SANBR: variants seen among roughly 807,000 people sequenced by gnomAD.
The protein encoded by SANBR is SANT and BTB domain regulator of CSR, also known as SANT and BTB domain regulator of class switch recombination.
Under a neutral mutation model 101.8 loss-of-function variants are expected in SANBR, and 77 were observed. That is an observed-to-expected ratio of 0.76 (90% CI 0.63 to 0.91). The LOEUF is 0.91. Ranked by LOEUF, SANBR falls within the 40% of genes least tolerant of loss-of-function variation. The pLI, the probability that SANBR is intolerant of heterozygous loss-of-function variation, is 0.00. For missense variants in SANBR, 875 were observed against 853.0 expected, an observed-to-expected ratio of 1.03 and a Z score of -0.32; for synonymous variants, 279 against 274.7, an observed-to-expected ratio of 1.02 and a Z score of -0.15.
chr2:61,105,266 T>A (rs1044679787), intron 13 of SANBR, among the ~76,000 whole-genome samples: 1 of 151,632 alleles, frequency 6.6e-6, no homozygotes, highest in Non-Finnish European at 1.5e-5. Flanking sequence ...TTTGAGAGGC[T>A]GAGGCAGGAG....
intron 13 of SANBR, among the ~76,000 whole-genome samples, chr2:61,106,359 C>G (rs1308504368): frequency 1.4e-5 from 2 of 140,238 alleles, no homozygotes; most frequent in Non-Finnish European, 3.0e-5. Flanking sequence ...CCATTGCCCT[C>G]CAGCCTGGGT....
chr2:61,071,478 A>G, intron 3 of SANBR, 128 bp from the exon 4 acceptor site: 1 of 454,670 alleles, frequency 2.2e-6, no homozygotes, highest in Non-Finnish European at 3.7e-6. Context: ...TGAACCCGGG[A>G]GGCGGAGGTT....
Position 61,103,915 on chromosome 2 carries a change from G to A in SANBR, c.1428G>A (p.Pro476=), listed in dbSNP as rs754421415. The A allele has an allele frequency of 1.5e-5, 24 of 1,613,988 alleles. No homozygotes were observed. The highest frequency in any genetic ancestry group is 4.4e-5 in the South Asian group (4 of 91,088). The change falls in exon 13 of 22, where the codon CCG becomes CCA. Residue 476 remains proline (P), a synonymous_variant. Transcript: ENST00000402291. ...ATCAAGGTGAAGGCGGAGATTTGCC[G>A]TCCTGTCCCACTGCTAGAATGTTGG... ...LRDQGEGGDL[P]SCPTARMLDD... is the part of the protein sequence containing the mutation.
chr2:61,118,437 C>T (rs1196714574), intron 20 of SANBR, among the ~76,000 whole-genome samples: 1 of 151,736 alleles, frequency 6.6e-6, no homozygotes, highest in Non-Finnish European at 1.5e-5. Context: ...GATGGGGTTT[C>T]ACCATGTTGG....
rs200416957 is a variant in SANBR, at chr2:61,088,236, C to G, written c.968C>G (p.Thr323Arg). Residue 323 changes from threonine to arginine, a missense_variant, in exon 9 of 22, where the codon ACA becomes AGA. By Grantham distance (71) the Thr-to-Arg change is moderately conservative. Transcript: ENST00000402291. Reference protein sequence around the residue: ...LNPDSRSNAATLYRCCLCKKL... With the variant: ...LNPDSRSNAARLYRCCLCKKL... ...CCAGATTCTCGGAGTAATGCAGCAA[C>G]ATTGTATAGGTATGCTAACATGTTT... 6.2e-7 allele frequency: 1 copy of G among 1,607,658 alleles called. No individual in the cohort carries two copies. Among genetic ancestry groups the G allele is most frequent in the Non-Finnish European group, 8.5e-7 (1 of 1,176,576 alleles).
intron 13 of SANBR, among the ~76,000 whole-genome samples, chr2:61,104,379 G>A (rs1683444975): frequency 6.6e-6 from 1 of 151,986 alleles, no homozygotes; most frequent in African/African-American, 2.4e-5. Context: ...CTACTTGGGA[G>A]GCTGAGGCAG....
chr2:61,108,251 T>C, intron 14 of SANBR, 66 bp from the exon 15 acceptor site: 1 of 980,600 alleles, frequency 1.0e-6, no homozygotes, highest in Non-Finnish European at 1.6e-6. Flanking sequence ...ACAGTATCTA[T>C]ATCAAAATAA....
At chr2:61,073,195 A>G (rs530160444) in intron 4 of SANBR, among the ~76,000 whole-genome samples, 69 of 152,308 alleles carry the variant, frequency 4.5e-4, no homozygotes, top group African/African-American at 1.4e-3. Context: ...GCATTTGAAC[A>G]TTTGATCCCT....
At chr2:61,118,621 G>C (rs1374145988) in intron 20 of SANBR, among the ~76,000 whole-genome samples, 1 of 140,962 alleles carries the variant, frequency 7.1e-6, no homozygotes, top group Non-Finnish European at 1.5e-5. Flanking sequence ...ACTTGCAGTG[G>C]TGCCATCTCG....
intron 15 of SANBR, 129 bp from the exon 16 acceptor site, chr2:61,109,068 C>A: frequency 2.3e-6 from 1 of 439,890 alleles, no homozygotes; most frequent in Non-Finnish European, 4.0e-6. Context: ...GGATATTGTG[C>A]TAGCCAGAGG....
At chr2:61,106,734 T>A (rs1472407991) in intron 14 of SANBR, 72 bp downstream of exon 14, 1 of 947,752 alleles carries the variant, frequency 1.1e-6, no homozygotes, top group African/African-American at 1.7e-5. Context: ...GACAGGAACC[T>A]GATCAGTTTA....
At chr2:61,121,651 C>A (rs778533645) in intron 21 of SANBR, 7 of 170,008 alleles carry the variant, frequency 4.1e-5, no homozygotes, top group Non-Finnish European at 7.6e-5. Context: ...TTTTATTTCT[C>A]TTAATAAAAT....
At chr2:61,087,313 C>T (rs973629919) in intron 8 of SANBR, among the ~76,000 whole-genome samples, 1 of 151,934 alleles carries the variant, frequency 6.6e-6, no homozygotes, top group South Asian at 2.1e-4. Flanking sequence ...CTCAGCACTT[C>T]GGGAGGCCAA....
intron 11 of SANBR, 127 bp from the exon 12 acceptor site, chr2:61,097,573 T>C: frequency 1.5e-6 from 1 of 661,460 alleles, no homozygotes; most frequent in Non-Finnish European, 2.5e-6. Flanking sequence ...ACTTTGTGTC[T>C]GTATAGATTG....
rs562983683 is a variant in SANBR, at chr2:61,120,029, G to C, written c.2029-1156G>C. ...CAACTGGAACTCTCATATATAGCTAGTAGAAATGCAAAAAGGAATGGTCAC... is the reference window on the plus strand; with the variant it reads ...CAACTGGAACTCTCATATATAGCTACTAGAAATGCAAAAAGGAATGGTCAC... On this transcript the variant is annotated intron_variant, in intron 20 of 21. Coordinates refer to ENST00000402291, the MANE Select transcript of SANBR (RefSeq NM_001129993.3). 5.3e-5 allele frequency among the ~76,000 whole-genome samples: 8 copies of C among 152,284 alleles called. 1 individual carries two copies. Among genetic ancestry groups the C allele is most frequent in the South Asian group, 4.1e-4 (2 of 4,826 alleles).
chr2:61,135,790 A>G (rs1452663600), intron 21 of SANBR, among the ~76,000 whole-genome samples: 1 of 152,230 alleles, frequency 6.6e-6, no homozygotes, highest in Non-Finnish European at 1.5e-5. Context: ...TATAGCTAAA[A>G]TACGTAGGGA....
At chr2:61,115,612 A>G (rs1178476644) in intron 16 of SANBR, among the ~76,000 whole-genome samples, 1 of 152,130 alleles carries the variant, frequency 6.6e-6, no homozygotes, top group African/African-American at 2.4e-5. Flanking sequence ...ACTTATAGCT[A>G]GAGATTTCAA....
intron 4 of SANBR, among the ~76,000 whole-genome samples, chr2:61,072,885 T>G (rs1681558355): frequency 7.1e-6 from 1 of 141,514 alleles, no homozygotes; most frequent in Non-Finnish European, 1.5e-5. Context: ...GAGATGGTGG[T>G]TGCGCTGTGT....
intron 14 of SANBR, 101 bp downstream of exon 14, chr2:61,106,763 T>A: frequency 1.5e-6 from 1 of 669,406 alleles, no homozygotes; most frequent in Non-Finnish European, 2.5e-6. Flanking sequence ...TTGAACTGAC[T>A]ACCTAATCAT....
Sources: gnomAD v4.1 joint callset for allele counts (sites outside exome capture counted in the v4.1 genomes callset) on GRCh38, gnomAD v4.1.1 for gene constraint, MANE v1.5 for transcripts, NCBI Gene and HGNC (gene_info 2026-07-23, HGNC 2026-07-21) for gene names.